The following SMAD6 variants were observed in gnomAD, a reference collection of about 807,000 sequenced individuals.
SMAD6 encodes the protein MAD homolog 6.
In SMAD6, 103 loss-of-function variants were observed where a neutral mutation model predicts 39.4. The observed-to-expected ratio is 2.62, with a 90% CI of 2.23 to 3.08. SMAD6 has a LOEUF of 3.08. Ranked by LOEUF, SMAD6 falls within the 30% of genes most tolerant of loss-of-function variation. SMAD6 has a pLI of 0.00. For synonymous variants in SMAD6, 445 were observed against 353.3 expected, an observed-to-expected ratio of 1.26 and a Z score of -2.91; for missense variants, 1,104 against 742.9, an observed-to-expected ratio of 1.49 and a Z score of -5.65.
In SMAD6 at chr15:66,747,297, C is replaced by G. The variant is rs1893924170; in HGVS notation, c.952+30799C>G. Among the ~76,000 whole-genome samples, 1 of 152,252 alleles carries G rather than the reference C, an allele frequency of 6.6e-6. No individual in the cohort carries two copies. The highest frequency in any genetic ancestry group is 2.1e-4 in the South Asian group (1 of 4,832). ...CCTCTGGCTGCCAAGGCCTGGCCTTCCCACCACACCTGCCCTTCCCCATGA... is the reference window on the plus strand; with the variant it reads ...CCTCTGGCTGCCAAGGCCTGGCCTTGCCACCACACCTGCCCTTCCCCATGA... On this transcript the variant is annotated intron_variant, in intron 3 of 3. Transcript: ENST00000288840. The surrounding 1 kb of genome is among the most constrained non-coding windows in gnomAD (Gnocchi z 4.5).
chr15:66,743,017 G>A (rs1893843234), intron 3 of SMAD6, among the ~76,000 whole-genome samples: 1 of 152,086 alleles, frequency 6.6e-6, no homozygotes, highest in Non-Finnish European at 1.5e-5. Flanking sequence ...CGTTCCCTCT[G>A]TGGGCCTCAG....
intron 3 of SMAD6, among the ~76,000 whole-genome samples, chr15:66,763,302 G>A (rs915085387): frequency 2.6e-5 from 4 of 152,348 alleles, no homozygotes; most frequent in Admixed American, 2.6e-4. Flanking sequence ...CAGGACAGGG[G>A]CACCCTGGGG....
chr15:66,769,162 G>T (rs963049474), intron 3 of SMAD6, among the ~76,000 whole-genome samples: 1 of 152,178 alleles, frequency 6.6e-6, no homozygotes, highest in Admixed American at 6.5e-5. Context: ...TGTGAGTTAG[G>T]TAATCACCTA....
At chr15:66,759,414 A>C (rs776125082) in intron 3 of SMAD6, among the ~76,000 whole-genome samples, 14 of 152,212 alleles carry the variant, frequency 9.2e-5, no homozygotes, top group Non-Finnish European at 1.9e-4. Flanking sequence ...TTTGGGGTAC[A>C]AGTAGCTTTT....
chr15:66,781,122 C>T lies in SMAD6; in HGVS notation c.1078C>T (p.Leu360=). 6.2e-7 allele frequency: 1 copy of T among 1,609,022 alleles called. No homozygotes were observed. Among genetic ancestry groups the T allele is most frequent in the Non-Finnish European group, 8.5e-7 (1 of 1,179,762 alleles). ...CCAGGCCGTCAGCATCTTCTACGAC[C>T]TACCTCAGGGCAGCGGCTTCTGCCT... ...YDQAVSIFYD[L]PQGSGFCLGQ... The change falls in exon 4 of 4, where the codon CTA becomes TTA. Residue 360 remains leucine, a synonymous_variant. Coordinates refer to ENST00000288840, the MANE Select transcript of SMAD6 (RefSeq NM_005585.5).
chr15:66,758,290 G>C (rs4776829), intron 3 of SMAD6, among the ~76,000 whole-genome samples: 76,957 of 152,102 alleles, frequency 0.51, 19,909 homozygotes, highest in East Asian at 0.75. Flanking sequence ...CCCCATCCCA[G>C]TCTTCTCTTG....
chr15:66,733,404 A>G (rs550704332), intron 3 of SMAD6, among the ~76,000 whole-genome samples: 2 of 152,332 alleles, frequency 1.3e-5, no homozygotes, highest in South Asian at 2.1e-4. Flanking sequence ...TTTTGACAAT[A>G]TTGGTTCTTA....
intron 2 of SMAD6, among the ~76,000 whole-genome samples, chr15:66,716,208 A>G (rs1893325638): frequency 6.6e-6 from 1 of 152,160 alleles, no homozygotes; most frequent in Non-Finnish European, 1.5e-5. Flanking sequence ...CACAGTCAGC[A>G]CTTTCCAGAA....
chr15:66,731,644 G>A (rs1374205103), intron 3 of SMAD6, among the ~76,000 whole-genome samples: 1 of 152,150 alleles, frequency 6.6e-6, no homozygotes, highest in African/African-American at 2.4e-5. Context: ...TTGTTTCTTG[G>A]ATGGACATTT....
intron 3 of SMAD6, among the ~76,000 whole-genome samples, chr15:66,722,518 C>T (rs1279502928): frequency 1.3e-5 from 2 of 151,722 alleles, no homozygotes; most frequent in South Asian, 2.1e-4. Context: ...AGCCTAGAGG[C>T]AGTGGACAGG....
At chr15:66,768,518 G>A (rs12906270) in intron 3 of SMAD6, among the ~76,000 whole-genome samples, 44,642 of 152,082 alleles carry the variant, frequency 0.29, 7,588 homozygotes, top group East Asian at 0.46. Flanking sequence ...GGCCAGGTAA[G>A]ATGACTTGTA....
intron 3 of SMAD6, among the ~76,000 whole-genome samples, chr15:66,774,561 G>A (rs1441503435): frequency 6.6e-6 from 1 of 152,190 alleles, no homozygotes; most frequent in African/African-American, 2.4e-5. Flanking sequence ...GGAGGGAACA[G>A]GGCTTGTCCC....
intron 1 of SMAD6, among the ~76,000 whole-genome samples, chr15:66,709,118 CTA>C (rs576179889): frequency 1.3e-5 from 2 of 152,334 alleles, no homozygotes; most frequent in South Asian, 4.1e-4. Context: ...CTTTGACACT[CTA>C]AATCCTTGTG....
chr15:66,764,310 C>T lies in SMAD6; in HGVS notation c.953-16687C>T, dbSNP rs59001011. 8.1e-3 allele frequency among the ~76,000 whole-genome samples: 1,221 copies of T among 150,058 alleles called. 12 individuals are homozygous for T. Among genetic ancestry groups the T allele is most frequent in the African/African-American group, 0.026 (1,080 of 40,830 alleles). ...GTTTATCAAAACTTTTTTTTTTTTA[C>T]TTCGACCCAGCTGCTTTCGGAATTA... On this transcript the variant is annotated intron_variant, in intron 3 of 3. Coordinates refer to ENST00000288840, the MANE Select transcript of SMAD6 (RefSeq NM_005585.5).
intron 3 of SMAD6, among the ~76,000 whole-genome samples, chr15:66,742,477 T>C (rs1893832264): frequency 6.6e-6 from 1 of 152,082 alleles, no homozygotes; most frequent in African/African-American, 2.4e-5. Flanking sequence ...TGAGGGTGTG[T>C]CTGGTGGTCT....
chr15:66,703,746 C>G lies in SMAD6; in HGVS notation c.488C>G (p.Ser163Trp), dbSNP rs1466586758. Residue 163 changes from serine to tryptophan, a missense_variant, in exon 1 of 4, where the codon TCG (serine) becomes TGG (tryptophan). Transcript: ENST00000288840. ...AGGGRSREAR[S>W]RLLLLEQELK... ...GGCGGGCGGAGTCGCGAAGCGCGCT[C>G]GCGGCTGCTGCTGCTGGAGCAGGAA... 2.9e-6 allele frequency: 4 copies of G among 1,384,980 alleles called. No homozygotes were observed. The highest frequency in any genetic ancestry group is 3.4e-5 in the East Asian group (1 of 29,548). 85.8% of individuals were successfully genotyped at this position (1,384,980 alleles called of 1,614,324 possible).
In SMAD6 at chr15:66,769,791, C is replaced by T. The variant is rs141505035; in HGVS notation, c.953-11206C>T. ...CAATTAGAGGTGCCTCAAGTTCTCT[C>T]AGCTCTGGGAACCTGCAAGATGAAG... On this transcript the variant is annotated intron_variant, in intron 3 of 3. Transcript: ENST00000288840. 2.8e-3 allele frequency among the ~76,000 whole-genome samples: 424 copies of T among 152,316 alleles called. 4 individuals carry two copies. The highest frequency in any genetic ancestry group is 9.7e-3 in the African/African-American group (404 of 41,558).
In SMAD6 at chr15:66,737,691, A is replaced by G. The variant is rs60616358; in HGVS notation, c.952+21193A>G. Among the ~76,000 whole-genome samples, 322 of 152,092 alleles carry G rather than the reference A, an allele frequency of 2.1e-3. 1 individual carries two copies. The highest frequency in any genetic ancestry group is 7.4e-3 in the African/African-American group (305 of 41,456). On this transcript the variant is annotated intron_variant, in intron 3 of 3. Coordinates refer to ENST00000288840, the MANE Select transcript of SMAD6 (RefSeq NM_005585.5). Reference sequence around the variant, plus strand: ...CAGCCCAAAGGTAAACAGGTTTATAACGACTTTAGAGAAAAAGGAAAAAAA... The same window carrying G: ...CAGCCCAAAGGTAAACAGGTTTATAGCGACTTTAGAGAAAAAGGAAAAAAA...
intron 3 of SMAD6, among the ~76,000 whole-genome samples, chr15:66,737,603 C>G (rs1008748610): frequency 1.3e-5 from 2 of 152,002 alleles, no homozygotes; most frequent in Non-Finnish European, 2.9e-5. Flanking sequence ...TGGAGAGATC[C>G]CCCTTTCCCA....
Sources: gnomAD v4.1 joint callset for allele counts (sites outside exome capture counted in the v4.1 genomes callset) on GRCh38, gnomAD v4.1.1 for gene constraint, Gnocchi (gnomAD v3.1) non-coding constraint, MANE v1.5 for transcripts, NCBI Gene and HGNC (gene_info 2026-07-23, HGNC 2026-07-21) for gene names.